Variants in C1QTNF3 observed in about 807,000 individuals in gnomAD.
The protein encoded by C1QTNF3 is complement C1q tumor necrosis factor-related protein 3.
C1QTNF3 carries 26 observed loss-of-function variants against 32.6 expected under a neutral mutation model. The observed-to-expected ratio is 0.80, with a 90% CI of 0.58 to 1.11. C1QTNF3 has a LOEUF of 1.11. Ranked by LOEUF, C1QTNF3 falls within the 50% of genes least tolerant of loss-of-function variation. The pLI, the probability that C1QTNF3 is intolerant of heterozygous loss-of-function variation, is 0.00. For missense variants in C1QTNF3, 362 were observed against 398.2 expected, an observed-to-expected ratio of 0.91 and a Z score of 0.77; for synonymous variants, 155 against 146.0, an observed-to-expected ratio of 1.06 and a Z score of -0.44.
chr5:34,208,943 G>A, the C1QTNF3 span, among the ~76,000 whole-genome samples: 1 of 152,114 alleles, frequency 6.6e-6, no homozygotes. Flanking sequence ...TTCACTACCA[G>A]GGACCATTTG....
the C1QTNF3 span, among the ~76,000 whole-genome samples, chr5:34,226,100 CT>C: frequency 6.6e-6 from 1 of 151,916 alleles, no homozygotes; most frequent in South Asian, 2.1e-4. Context: ...CTTGATATTG[CT>C]TTTTCCAAAT....
At chr5:34,085,416 C>G in the C1QTNF3 span, among the ~76,000 whole-genome samples, 1 of 150,996 alleles carries the variant, frequency 6.6e-6, no homozygotes, top group African/African-American at 2.5e-5. Context: ...ATAGGGAATC[C>G]TTTTCCCATT....
rs1579594715 is a variant in C1QTNF3 at position 34,020,028 on chromosome 5, T to C, written c.*555A>G. 2 of 152,724 alleles carry C rather than the reference T, an allele frequency of 1.3e-5. No individual in the cohort carries two copies. Among genetic ancestry groups the C allele is most frequent in the African/African-American group, 4.8e-5 (2 of 41,436 alleles). The allele number at this position is 152,724 out of a possible 1,614,324, so 9.5% of individuals were successfully genotyped here. On this transcript the variant is annotated 3_prime_UTR_variant, in exon 6 of 6. Transcript: ENST00000382065. Reference sequence around the variant, plus strand: ...AAAATCTATTGACTTTAAAATAGCATTGTATGTGAATTCAGAGTTTTAATG... The same window carrying C: ...AAAATCTATTGACTTTAAAATAGCACTGTATGTGAATTCAGAGTTTTAATG...
At chr5:34,205,194 T>C in the C1QTNF3 span, among the ~76,000 whole-genome samples, 692 of 151,446 alleles carry the variant, frequency 4.6e-3, 4 homozygotes, top group Middle Eastern at 0.017. Context: ...ATTAACTAAA[T>C]AGATGTCACA....
At chr5:34,029,392 G>A (rs908627462) in intron 3 of C1QTNF3, among the ~76,000 whole-genome samples, 36 of 151,498 alleles carry the variant, frequency 2.4e-4, no homozygotes, top group African/African-American at 8.7e-4. Flanking sequence ...CACCTTCCTC[G>A]GCCTCCCAAA....
chr5:34,071,091 C>T, the C1QTNF3 span, among the ~76,000 whole-genome samples: 1 of 152,176 alleles, frequency 6.6e-6, no homozygotes, highest in Non-Finnish European at 1.5e-5. Context: ...AACAGATTAA[C>T]AACATACCAT....
the C1QTNF3 span, among the ~76,000 whole-genome samples, chr5:34,236,733 C>A: frequency 6.6e-6 from 1 of 151,594 alleles, no homozygotes; most frequent in Non-Finnish European, 1.5e-5. Flanking sequence ...CACCACCATA[C>A]CCAGCCAATT....
chr5:34,156,775 T>C, the C1QTNF3 span, among the ~76,000 whole-genome samples: 1 of 152,178 alleles, frequency 6.6e-6, no homozygotes, highest in South Asian at 2.1e-4. Context: ...GTGGAAGAAA[T>C]TGAAGATGAG....
the C1QTNF3 span, among the ~76,000 whole-genome samples, chr5:34,236,420 C>T: frequency 6.6e-6 from 1 of 151,720 alleles, no homozygotes. Flanking sequence ...AAAGAAGTGA[C>T]TCAACTGATT....
the C1QTNF3 span, among the ~76,000 whole-genome samples, chr5:34,137,147 TA>T: frequency 0.53 from 75,165 of 142,050 alleles, 20,449 homozygotes; most frequent in Non-Finnish European, 0.62. Flanking sequence ...AAAGTATAAT[TA>T]AAAAAAAAAA....
At chr5:34,091,536 A>G in the C1QTNF3 span, among the ~76,000 whole-genome samples, 1 of 152,268 alleles carries the variant, frequency 6.6e-6, no homozygotes, top group African/African-American at 2.4e-5. Flanking sequence ...TAATTAAATA[A>G]TGAATTTTGA....
chr5:34,020,458 A>T lies in C1QTNF3; in HGVS notation c.*125T>A. 8.6e-7 allele frequency: 1 copy of T among 1,162,982 alleles called. No homozygotes were observed. 72.0% of individuals were successfully genotyped at this position (1,162,982 alleles called of 1,614,324 possible). On this transcript the variant is annotated 3_prime_UTR_variant, in exon 6 of 6. Coordinates refer to ENST00000382065, the MANE Select transcript of C1QTNF3 (RefSeq NM_181435.6). The stretch of plus-strand genomic sequence containing the variant: ...TTATTGGTGTACCTGTAGCGTGAAC[A>T]ACATTGCAACCAATAATTTTTTGAA...
chr5:34,089,400 T>C, the C1QTNF3 span, among the ~76,000 whole-genome samples: 1 of 152,076 alleles, frequency 6.6e-6, no homozygotes, highest in Non-Finnish European at 1.5e-5. Context: ...CTTTGAGAAG[T>C]GATTAGGTCA....
chr5:34,176,977 G>C, the C1QTNF3 span, among the ~76,000 whole-genome samples: 1 of 152,150 alleles, frequency 6.6e-6, no homozygotes. Context: ...AGGATCACTT[G>C]AGCTCAAGAG....
chr5:34,137,222 T>G, the C1QTNF3 span, among the ~76,000 whole-genome samples: 2 of 151,826 alleles, frequency 1.3e-5, no homozygotes, highest in African/African-American at 4.8e-5. Context: ...AAGACAAATA[T>G]CAGGATCCCT....
chr5:34,171,722 T>A, the C1QTNF3 span, among the ~76,000 whole-genome samples: 5 of 152,182 alleles, frequency 3.3e-5, no homozygotes, highest in Non-Finnish European at 5.9e-5. Flanking sequence ...TAAAGTGGTT[T>A]CATTTACCTT....
the C1QTNF3 span, among the ~76,000 whole-genome samples, chr5:34,171,842 G>A: frequency 1.3e-5 from 2 of 152,184 alleles, no homozygotes. Flanking sequence ...ATTCACAATA[G>A]TGCCAGTAAT....
chr5:34,176,070 T>C, the C1QTNF3 span: 2 of 597,376 alleles, frequency 3.3e-6, no homozygotes, highest in Admixed American at 2.8e-5. Flanking sequence ...GGGGCTGTAG[T>C]GACTGCAGGA....
chr5:34,047,177 A>G (rs1755001178), upstream of C1QTNF3, among the ~76,000 whole-genome samples: 1 of 152,218 alleles, frequency 6.6e-6, no homozygotes, highest in African/African-American at 2.4e-5. Flanking sequence ...AAAGTTCACA[A>G]AAGACACCTG....
Sources: allele counts gnomAD v4.1 joint callset (sites outside exome capture counted in the v4.1 genomes callset), GRCh38; gene constraint gnomAD v4.1.1; transcripts MANE v1.5; gene names NCBI Gene and HGNC (gene_info 2026-07-23, HGNC 2026-07-21).